Variants in ERFL observed in about 807,000 individuals in gnomAD.
ERFL encodes ETS repressor factor like, also known as ETS domain-containing transcription factor ERF-like.
ERFL carries 8 observed loss-of-function variants against 27.9 expected under a neutral mutation model. That is an observed-to-expected ratio of 0.29 (90% CI 0.17 to 0.52). The LOEUF is 0.52. ERFL is among the 20% of genes least tolerant of loss of function. The pLI is 0.97. For synonymous variants in ERFL, 174 were observed against 202.8 expected (o/e 0.86, Z 1.21); for missense variants, 294 against 444.4 (o/e 0.66, Z 3.04).
chr19:41,908,982 T>C lies in ERFL; in HGVS notation c.616+78A>G. On this transcript the variant is annotated intron_variant, in intron 5 of 5. Coordinates refer to ENST00000597630, the MANE Select transcript of ERFL (RefSeq NM_001365103.2). The surrounding 1 kb of genome is among the most constrained non-coding windows in gnomAD (Gnocchi z 6.7). ...GCCCCCTTCCCCATCTCTTCTCTTG[T>C]CTTTTCTCATCCTCTTCCCTCAAGC... 1.1e-6 allele frequency: 1 copy of C among 928,840 alleles called. No homozygotes were observed. The highest frequency in any genetic ancestry group is 1.4e-6 in the Non-Finnish European group (1 of 713,102). 57.5% of individuals were successfully genotyped at this position (928,840 alleles called of 1,614,324 possible).
rs1482039093 is a variant in ERFL at position 41,916,363 on chromosome 19, C to T, written c.-13-3431G>A. 1.3e-5 allele frequency among the ~76,000 whole-genome samples: 2 copies of T among 152,064 alleles called. No homozygotes were observed. The highest frequency in any genetic ancestry group is 4.8e-5 in the African/African-American group (2 of 41,388). On this transcript the variant is annotated intron_variant, in intron 1 of 5. Coordinates refer to ENST00000597630, the MANE Select transcript of ERFL (RefSeq NM_001365103.2). The surrounding 1 kb of genome is among the most constrained non-coding windows in gnomAD (Gnocchi z 5.4). ...CGCATACCACTGCTGCCACACACAA[C>T]CCACATCACACAGATGCATGTGTCA... is the stretch of plus-strand genomic sequence containing the variant.
Position 41,908,552 on chromosome 19 carries a change from G to T in ERFL, c.741C>A (p.Tyr247Ter). 8.1e-7 allele frequency: 1 copy of T among 1,231,804 alleles called. No individual in the cohort carries two copies. The highest frequency in any genetic ancestry group is 1.0e-6 in the Non-Finnish European group (1 of 988,070). The allele number at this position is 1,231,804 out of a possible 1,614,324, so 76.3% of individuals were successfully genotyped here. ...GPFPKLPPSLYPPHFYPNPLA... is the reference protein window; with the variant it reads ...GPFPKLPPSL ...GAGGGTTGGGGTAGAAATGCGGGGG[G>T]TAGAGAGAGGGAGGCAGCTTGGGGA... The change falls in exon 6 of 6, where the codon TAC (tyrosine) becomes TAA (stop). Residue 247 changes from tyrosine to a stop codon, truncating the protein, a stop_gained. Transcript: ENST00000597630. LOFTEE classifies it high-confidence loss of function. The surrounding 1 kb of genome is among the most constrained non-coding windows in gnomAD (Gnocchi z 6.7).
At chr19:41,919,273 C>T (rs919416060) in intron 1 of ERFL, among the ~76,000 whole-genome samples, 1 of 152,138 alleles carries the variant, frequency 6.6e-6, no homozygotes, top group Non-Finnish European at 1.5e-5. Context: ...CAGGGTGACA[C>T]CAGAAACAGC....
rs1198106646 is a variant in ERFL at position 41,908,818 on chromosome 19, A to G, written c.617-142T>C. On this transcript the variant is annotated intron_variant, in intron 5 of 5. Coordinates refer to ENST00000597630, the MANE Select transcript of ERFL (RefSeq NM_001365103.2). This position sits in a 1 kb window ranked among gnomAD's most constrained non-coding sequence, Gnocchi z 6.7. ...TTACCCCCTCATACAGCTTCCCCCA[A>G]CTCCATCTCCTCCCACTCCCCCACT... is the stretch of plus-strand genomic sequence containing the variant. 2.4e-5 allele frequency: 11 copies of G among 463,740 alleles called. No homozygotes were observed. The highest frequency in any genetic ancestry group is 3.7e-5 in the Non-Finnish European group (11 of 296,242). The allele number at this position is 463,740 out of a possible 1,614,324, so 28.7% of individuals were successfully genotyped here.
At chr19:41,920,837 T>C (rs1343999232) in intron 1 of ERFL, among the ~76,000 whole-genome samples, 1 of 152,024 alleles carries the variant, frequency 6.6e-6, no homozygotes, top group African/African-American at 2.4e-5. Flanking sequence ...GCTTGAGAGG[T>C]GGGGAGGCTC....
At chr19:41,918,404 T>C (rs1157123655) in intron 1 of ERFL, among the ~76,000 whole-genome samples, 1 of 126,168 alleles carries the variant, frequency 7.9e-6, no homozygotes. Flanking sequence ...ACATACCATA[T>C]CACACACACC....
chr19:41,926,702 G>GCGGC (rs1180159751), intron 1 of ERFL, among the ~76,000 whole-genome samples: 1 of 150,670 alleles, frequency 6.6e-6, no homozygotes, highest in Non-Finnish European at 1.5e-5. Context: ...CTGGGCCGCG[G>GCGGC]CGGCCGGCCG....
At chr19:41,913,277 C>T (rs1475351890) in intron 1 of ERFL, among the ~76,000 whole-genome samples, 2 of 151,250 alleles carry the variant, frequency 1.3e-5, no homozygotes, top group African/African-American at 2.4e-5. Context: ...GCCCGCCCGC[C>T]CGCCGCTCGC....
chr19:41,909,494 G>T lies in ERFL; in HGVS notation c.303-23C>A. 8.0e-7 allele frequency: 1 copy of T among 1,252,524 alleles called. No individual in the cohort carries two copies. Among genetic ancestry groups the T allele is most frequent in the South Asian group, 3.7e-5 (1 of 27,100 alleles). The allele number at this position is 1,252,524 out of a possible 1,614,324, so 77.6% of individuals were successfully genotyped here. ...TAACTGTGGGGAGAGTGGTGGTGTT[G>T]GGGAGGTGCAGGGGGAGCCCTGGGG... On this transcript the variant is annotated intron_variant, in intron 3 of 5. Transcript: ENST00000597630. The surrounding 1 kb of genome is among the most constrained non-coding windows in gnomAD (Gnocchi z 5.2).
intron 1 of ERFL, among the ~76,000 whole-genome samples, chr19:41,925,419 C>T (rs1318361473): frequency 1.3e-5 from 2 of 151,992 alleles, no homozygotes; most frequent in Non-Finnish European, 2.9e-5. Context: ...GGACAGACTC[C>T]TGCCCCAAAC....
rs1342673298 is a variant in ERFL, at chr19:41,917,438, C to T, written c.-13-4506G>A. Reference sequence around the variant, plus strand: ...CCGCCTCGGGAGCCGCCTCGGGCCTCGCACCCCCACCACCAGCCCCTTCAT... The same window carrying T: ...CCGCCTCGGGAGCCGCCTCGGGCCTTGCACCCCCACCACCAGCCCCTTCAT... On this transcript the variant is annotated intron_variant, in intron 1 of 5. Coordinates refer to ENST00000597630, the MANE Select transcript of ERFL (RefSeq NM_001365103.2). This position sits in a 1 kb window ranked among gnomAD's most constrained non-coding sequence, Gnocchi z 4.8. 2.6e-5 allele frequency among the ~76,000 whole-genome samples: 4 copies of T among 151,990 alleles called. No individual in the cohort carries two copies. Among genetic ancestry groups the T allele is most frequent in the African/African-American group, 9.7e-5 (4 of 41,378 alleles).
chr19:41,918,518 TCA>T (rs1411197534), intron 1 of ERFL, among the ~76,000 whole-genome samples: 2 of 103,424 alleles, frequency 1.9e-5, no homozygotes, highest in Admixed American at 9.2e-5. Context: ...ACCACACACA[TCA>T]CACACACACC....
rs986150819 is a variant in ERFL, at chr19:41,909,118, C to T, written c.558G>A (p.Leu186=). Residue 186 remains leucine (L), a synonymous_variant, in exon 5 of 6, where the codon CTG becomes CTA. Coordinates refer to ENST00000597630, the MANE Select transcript of ERFL (RefSeq NM_001365103.2). This position sits in a 1 kb window ranked among gnomAD's most constrained non-coding sequence, Gnocchi z 5.2. ...GCAATTTATCTGTCTCGGAGGTGAA[C>T]AGGGGTGTCCGGGCCCCTGGCTCTC... ...RLGEPGARTP[L]FTSETDKLRL... is the part of the protein sequence containing the mutation. The T allele has an allele frequency of 2.4e-6, 3 of 1,231,812 alleles. No homozygotes were observed. The highest frequency in any genetic ancestry group is 1.6e-5 in the African/African-American group (1 of 64,394). The allele number at this position is 1,231,812 out of a possible 1,614,324, so 76.3% of individuals were successfully genotyped here.
chr19:41,909,193 G>T lies in ERFL; in HGVS notation c.499-16C>A. 1 of 1,231,562 alleles carries T rather than the reference G, an allele frequency of 8.1e-7. No homozygotes were observed. Among genetic ancestry groups the T allele is most frequent in the Non-Finnish European group, 1.0e-6 (1 of 987,850 alleles). 76.3% of individuals were successfully genotyped at this position (1,231,562 alleles called of 1,614,324 possible). On this transcript the variant is annotated splice_polypyrimidine_tract_variant and intron_variant, in intron 4 of 5. Coordinates refer to ENST00000597630, the MANE Select transcript of ERFL (RefSeq NM_001365103.2). The surrounding 1 kb of genome is among the most constrained non-coding windows in gnomAD (Gnocchi z 5.2). ...TTTGCAGGGTCTAGAGAGGGAGTGG[G>T]AGAAGCCGCCCTTCTCAGACTGTCC...
intron 1 of ERFL, among the ~76,000 whole-genome samples, chr19:41,926,623 G>T (rs1014387772): frequency 5.0e-4 from 76 of 152,150 alleles, no homozygotes; most frequent in Non-Finnish European, 1.3e-4. Context: ...TCTGGGCTAG[G>T]CGAGGCCTGG....
chr19:41,911,038 T>C (rs1158423472), intron 2 of ERFL, among the ~76,000 whole-genome samples: 2 of 152,084 alleles, frequency 1.3e-5, no homozygotes, highest in Non-Finnish European at 2.9e-5. Flanking sequence ...ATGGAGACGG[T>C]GAACACAGCA....
chr19:41,926,526 C>T (rs1037410569), intron 1 of ERFL, among the ~76,000 whole-genome samples: 1 of 152,140 alleles, frequency 6.6e-6, no homozygotes, highest in Non-Finnish European at 1.5e-5. Context: ...ATTTCTCTCG[C>T]TCCCCTGTCC....
At chr19:41,913,880 C>A (rs868966637) in intron 1 of ERFL, among the ~76,000 whole-genome samples, 1 of 151,198 alleles carries the variant, frequency 6.6e-6, no homozygotes, top group Non-Finnish European at 1.5e-5. Flanking sequence ...CGAGACCCCT[C>A]CCCTCAGGCA....
At chr19:41,919,195 C>A (rs1412430444) in intron 1 of ERFL, among the ~76,000 whole-genome samples, 2 of 151,982 alleles carry the variant, frequency 1.3e-5, no homozygotes, top group African/African-American at 4.8e-5. Flanking sequence ...CCTTGTAATC[C>A]CCACATGGAC....
Sources: gnomAD v4.1 joint callset for allele counts (sites outside exome capture counted in the v4.1 genomes callset) on GRCh38, gnomAD v4.1.1 for gene constraint, Gnocchi (gnomAD v3.1) non-coding constraint, MANE v1.5 for transcripts, NCBI Gene and HGNC (gene_info 2026-07-23, HGNC 2026-07-21) for gene names.